Variants in TMEM132B observed in about 807,000 individuals in gnomAD.
TMEM132B encodes the protein transmembrane protein 132B.
TMEM132B carries 18 observed loss-of-function variants against 90.8 expected under a neutral mutation model. That is an observed-to-expected ratio of 0.20 (90% confidence interval 0.14 to 0.29). The LOEUF (loss-of-function observed/expected upper bound fraction) is 0.29, where lower values mean the gene tolerates loss of function less well. TMEM132B is among the 10% of genes least tolerant of loss of function. The probability of loss-of-function intolerance (pLI) is 1.00; values close to 1 mark genes in which losing one functional copy is unlikely to be tolerated. For synonymous variants in TMEM132B, 504 were observed against 523.3 expected, an observed-to-expected ratio of 0.96 and a Z score of 0.50; for missense variants, 1,096 against 1,326.8, an observed-to-expected ratio of 0.83 and a Z score of 2.70.
chr12:125,194,082 G>A (rs1426325702), intron 1 of TMEM132B, among the ~76,000 whole-genome samples: 2 of 152,250 alleles, frequency 1.3e-5, no homozygotes, highest in Middle Eastern at 3.2e-3. Context: ...AGCTGGTTCT[G>A]CAGCCAGGGT....
chr12:125,586,471 G>A (rs1412707900), intron 5 of TMEM132B: 3 of 152,148 alleles, frequency 2.0e-5, no homozygotes, highest in Non-Finnish European at 4.4e-5. Flanking sequence ...ACTTTCCGTG[G>A]TTTCATTTCA....
chr12:125,450,865 CACA>C (rs1881130349), intron 3 of TMEM132B, among the ~76,000 whole-genome samples: 1 of 152,282 alleles, frequency 6.6e-6, no homozygotes, highest in South Asian at 2.1e-4. Context: ...CTGACAAGGA[CACA>C]ACATCACTTA....
intron 4 of TMEM132B, among the ~76,000 whole-genome samples, chr12:125,550,970 G>A (rs948443686): frequency 2.0e-5 from 3 of 152,078 alleles, no homozygotes; most frequent in Non-Finnish European, 2.9e-5. Context: ...GTGCCAGCAC[G>A]CTCAGCTACT....
intron 3 of TMEM132B, among the ~76,000 whole-genome samples, chr12:125,496,693 C>T (rs1346871429): frequency 6.6e-6 from 1 of 152,222 alleles, no homozygotes; most frequent in Non-Finnish European, 1.5e-5. Flanking sequence ...CTGCTGCATT[C>T]TCTCTGGCCT....
chr12:125,282,050 AAAAAAAAAAAG>A (rs1309911622), intron 1 of TMEM132B, among the ~76,000 whole-genome samples: 2,115 of 88,308 alleles, frequency 0.024, 207 homozygotes, highest in African/African-American at 0.04. Flanking sequence ...AAAAAAAAAA[AAAAAAAAAAAG>A]AGAGACTTTT....
chr12:125,250,626 C>G (rs1874296774), intron 1 of TMEM132B, among the ~76,000 whole-genome samples: 2 of 152,240 alleles, frequency 1.3e-5, no homozygotes, highest in South Asian at 4.1e-4. Flanking sequence ...GAGGTGCAGG[C>G]TTTTGAAACT....
At chr12:125,611,173 C>T (rs868601692) in intron 5 of TMEM132B, among the ~76,000 whole-genome samples, 5 of 152,160 alleles carry the variant, frequency 3.3e-5, no homozygotes, top group Middle Eastern at 3.4e-3. Context: ...TTAGGTTACG[C>T]AATCTGTTTG....
chr12:125,515,446 C>T (rs1027290786), intron 3 of TMEM132B, among the ~76,000 whole-genome samples: 3 of 150,978 alleles, frequency 2.0e-5, no homozygotes, highest in Non-Finnish European at 4.4e-5. Context: ...TACACACATT[C>T]ACACATTCCC....
intron 4 of TMEM132B, among the ~76,000 whole-genome samples, chr12:125,537,404 C>G (rs1358230610): frequency 6.6e-6 from 1 of 152,190 alleles, no homozygotes; most frequent in African/African-American, 2.4e-5. Context: ...CTCATTAAAG[C>G]CACCTGCTGG....
rs1565970073 is a variant in TMEM132B at position 125,186,402 on chromosome 12, G to C, written c.-398G>C. On this transcript the variant is annotated 5_prime_UTR_variant, in exon 1 of 9. Coordinates refer to ENST00000682704, the MANE Select transcript of TMEM132B (RefSeq NM_001366854.1). The surrounding 1 kb of genome is among the most constrained non-coding windows in gnomAD (Gnocchi z 6.3). ...CGCTCGCTCACTCTCTCGCTGGCTCGAGGGGCGGCCGGCAGATGGCGATGG... is the reference window on the plus strand; with the variant it reads ...CGCTCGCTCACTCTCTCGCTGGCTCCAGGGGCGGCCGGCAGATGGCGATGG... 6.8e-6 allele frequency among the ~76,000 whole-genome samples: 1 copy of C among 147,484 alleles called. No individual in the cohort carries two copies. Among genetic ancestry groups the C allele is most frequent in the South Asian group, 2.1e-4 (1 of 4,768 alleles).
In TMEM132B at chr12:125,655,831, A is replaced by G. The variant is rs1887046973; in HGVS notation, c.*1121A>G. The G allele has an allele frequency of 6.6e-6, 1 of 152,154 alleles. No homozygotes were observed. The highest frequency in any genetic ancestry group is 6.5e-5 in the Admixed American group (1 of 15,270). The allele number at this position is 152,154 out of a possible 1,614,324, so 9.4% of individuals were successfully genotyped here. On this transcript the variant is annotated 3_prime_UTR_variant, in exon 9 of 9. Coordinates refer to ENST00000682704, the MANE Select transcript of TMEM132B (RefSeq NM_001366854.1). The stretch of plus-strand genomic sequence containing the variant: ...AATAAGTAGAATGACAGTTCAAGTT[A>G]GCAATATATAGAAATCCATCCATAC...
intron 1 of TMEM132B, among the ~76,000 whole-genome samples, chr12:125,244,749 G>A (rs1223975110): frequency 6.6e-6 from 1 of 152,194 alleles, no homozygotes; most frequent in Non-Finnish European, 1.5e-5. Flanking sequence ...CATGCGAAGG[G>A]ATGATGGCTT....
intron 4 of TMEM132B, among the ~76,000 whole-genome samples, chr12:125,530,399 G>A (rs745708915): frequency 1.3e-5 from 2 of 152,080 alleles, no homozygotes; most frequent in Non-Finnish European, 2.9e-5. Context: ...TGGGAAGTGG[G>A]TTTTACATCA....
chr12:125,289,702 C>A lies in TMEM132B; in HGVS notation c.68-59750C>A, dbSNP rs138316449. ...TAAGTAGATACTTTCATCAGCCACA[C>A]TTTGCAGACAGAGTCTGAGGCACAG... On this transcript the variant is annotated intron_variant, in intron 1 of 8. Transcript: ENST00000682704. Among the ~76,000 whole-genome samples, 1,501 of 152,326 alleles carry A rather than the reference C, an allele frequency of 9.9e-3. 82 individuals are homozygous for A. Among genetic ancestry groups the A allele is most frequent in the East Asian group, 7.5e-3 (39 of 5,192 alleles).
chr12:125,198,844 T>C (rs1320388933), intron 1 of TMEM132B, among the ~76,000 whole-genome samples: 1 of 152,228 alleles, frequency 6.6e-6, no homozygotes, highest in Non-Finnish European at 1.5e-5. Flanking sequence ...GCCTCCCTCC[T>C]GCCCCTGGAG....
intron 2 of TMEM132B, among the ~76,000 whole-genome samples, chr12:125,391,865 C>T (rs893519375): frequency 7.2e-5 from 11 of 152,060 alleles, no homozygotes; most frequent in African/African-American, 1.9e-4. Flanking sequence ...CTCCTGGGCT[C>T]GTCTGGTCCT....
chr12:125,575,775 A>G (rs1298826989), intron 4 of TMEM132B, among the ~76,000 whole-genome samples: 1 of 151,974 alleles, frequency 6.6e-6, no homozygotes, highest in African/African-American at 2.4e-5. Flanking sequence ...GTTCTTTTTT[A>G]TGTGGATATC....
rs919843524 is a variant in TMEM132B at position 125,661,126 on chromosome 12, A to G, written c.*6416A>G. The G allele has an allele frequency of 1.3e-5, 2 of 152,222 alleles. No homozygotes were observed. The highest frequency in any genetic ancestry group is 3.8e-4 in the East Asian group (2 of 5,206). 9.4% of individuals were successfully genotyped at this position (152,222 alleles called of 1,614,324 possible). ...TGGAGCTGAAATAGTCTGCCACGTT[A>G]TTGTTATCTCCTTTGTAAGAATTTG... On this transcript the variant is annotated 3_prime_UTR_variant, in exon 9 of 9. Transcript: ENST00000682704.
At chr12:125,232,364 A>G (rs1873847622) in intron 1 of TMEM132B, among the ~76,000 whole-genome samples, 1 of 152,164 alleles carries the variant, frequency 6.6e-6, no homozygotes, top group Admixed American at 6.5e-5. Context: ...TGGCAGTCCC[A>G]TATTACAGTC....
Sources: allele counts gnomAD v4.1 joint callset (sites outside exome capture counted in the v4.1 genomes callset), GRCh38; gene constraint gnomAD v4.1.1; non-coding constraint Gnocchi (gnomAD v3.1); transcripts MANE v1.5; gene names NCBI Gene and HGNC (gene_info 2026-07-23, HGNC 2026-07-21).